The following RTKN2 variants were observed in gnomAD, a reference collection of about 807,000 sequenced individuals.
The protein encoded by RTKN2 is rhotekin 2, also known as rhotekin-2.
A neutral mutation model predicts 71.5 loss-of-function variants in RTKN2; 69 were observed. The observed-to-expected ratio is 0.96, with a 90% CI of 0.79 to 1.18. The LOEUF (loss-of-function observed/expected upper bound fraction) is 1.18. Among genes scored for constraint, RTKN2 ranks in the 50% most tolerant of loss-of-function variants. The pLI is 0.00. For synonymous variants in RTKN2, 236 were observed against 236.5 expected, an observed-to-expected ratio of 1.00 and a Z score of 0.02; for missense variants, 724 against 719.7, an observed-to-expected ratio of 1.01 and a Z score of -0.07.
At position 62,197,832 on chromosome 10, in the gene RTKN2, C is replaced by T. The variant is rs1001902400; in HGVS notation, c.*76G>A. 4 of 1,471,078 alleles carry T rather than the reference C, an allele frequency of 2.7e-6. No homozygotes were observed. Among genetic ancestry groups the T allele is most frequent in the East Asian group, 2.4e-5 (1 of 41,252 alleles). The allele number at this position is 1,471,078 out of a possible 1,614,324, so 91.1% of individuals were successfully genotyped here. ...ATCACTATATTTACCTATATAATTACACATTATTCTATAATGCCTCTGAAT... is the reference window on the plus strand; with the variant it reads ...ATCACTATATTTACCTATATAATTATACATTATTCTATAATGCCTCTGAAT... On this transcript the variant is annotated 3_prime_UTR_variant, in exon 12 of 12. Coordinates refer to ENST00000373789, the MANE Select transcript of RTKN2 (RefSeq NM_145307.4).
At chr10:62,247,697 T>G (rs1246108156) in intron 2 of RTKN2, among the ~76,000 whole-genome samples, 1 of 152,060 alleles carries the variant, frequency 6.6e-6, no homozygotes, top group East Asian at 1.9e-4. Flanking sequence ...AACAGTTTAT[T>G]ATCTATTTTG....
downstream of RTKN2, among the ~76,000 whole-genome samples, chr10:62,191,790 A>G (rs1181971973): frequency 6.6e-6 from 1 of 152,198 alleles, no homozygotes; most frequent in East Asian, 1.9e-4. Context: ...ATACACTTTT[A>G]GGTATTTCCT....
At chr10:62,185,704 C>A (rs769426953) in intron 8 of RTKN2, among the ~76,000 whole-genome samples, 6 of 152,146 alleles carry the variant, frequency 3.9e-5, no homozygotes, top group Non-Finnish European at 5.9e-5. Context: ...TGGTTTGGTT[C>A]CTTTAGGAAG....
downstream of RTKN2, among the ~76,000 whole-genome samples, chr10:62,188,675 C>T (rs1841172416): frequency 6.6e-6 from 1 of 152,052 alleles, no homozygotes; most frequent in South Asian, 2.1e-4. Flanking sequence ...AAAAATCCTT[C>T]CCAAATGTCT....
chr10:62,258,004 T>C (rs2133081336), intron 2 of RTKN2, among the ~76,000 whole-genome samples: 1 of 152,356 alleles, frequency 6.6e-6, no homozygotes, highest in Middle Eastern at 3.4e-3. Flanking sequence ...AGGTATTTCA[T>C]ACCCAAACAC....
At chr10:62,184,501 G>A in intron 8 of RTKN2, 2 of 570,824 alleles carry the variant, frequency 3.5e-6, no homozygotes, top group East Asian at 6.2e-5. Context: ...GCAAGTTTCA[G>A]GAAAAATGAG....
Position 62,241,191 on chromosome 10 carries a change from AATATCT to A in RTKN2, c.317-2_320del, listed in dbSNP as rs1564520354. On this transcript the variant is annotated splice_acceptor_variant and coding_sequence_variant, in exon 4 of 12. Transcript: ENST00000373789. LOFTEE classifies it high-confidence loss of function. ...AGTCTTTCCACATTAGTGGTATTCG[AATATCT>A]ATAAAGAAGGGAAAAAGAAATGACA... The A allele has an allele frequency of 6.4e-7, 1 of 1,560,750 alleles. No homozygotes were observed. The highest frequency in any genetic ancestry group is 8.8e-7 in the Non-Finnish European group (1 of 1,138,810).
intron 2 of RTKN2, among the ~76,000 whole-genome samples, chr10:62,253,602 G>A (rs1250799640): frequency 6.6e-6 from 1 of 151,924 alleles, no homozygotes; most frequent in East Asian, 1.9e-4. Flanking sequence ...ACCTCAACAT[G>A]TTCCATAAAG....
chr10:62,258,770 C>T (rs915106808), intron 2 of RTKN2, among the ~76,000 whole-genome samples: 1 of 151,792 alleles, frequency 6.6e-6, no homozygotes, highest in Non-Finnish European at 1.5e-5. Context: ...GATATTTTCA[C>T]GGGTAAGCAA....
chr10:62,196,861 T>G lies in RTKN2; in HGVS notation c.*1047A>C, dbSNP rs947812374. 1.0e-6 allele frequency: 1 copy of G among 982,324 alleles called. No homozygotes were observed. 60.9% of individuals were successfully genotyped at this position (982,324 alleles called of 1,614,324 possible). The stretch of plus-strand genomic sequence containing the variant: ...TATTTTTCTGCTATTTATTCCTCAC[T>G]TGACTTTATAATCCTGTTTGGGTCA... On this transcript the variant is annotated 3_prime_UTR_variant, in exon 12 of 12. Transcript: ENST00000373789.
Position 62,196,191 on chromosome 10 carries a change from A to G in RTKN2, c.*1717T>C, listed in dbSNP as rs1841327711. 1.6e-5 allele frequency: 16 copies of G among 977,016 alleles called. No individual in the cohort carries two copies. The highest frequency in any genetic ancestry group is 1.6e-5 in the Non-Finnish European group (13 of 822,420). The allele number at this position is 977,016 out of a possible 1,614,324, so 60.5% of individuals were successfully genotyped here. A position where few individuals can be genotyped will look rare whatever the true frequency, so the allele number is the denominator to read the frequency against. On this transcript the variant is annotated 3_prime_UTR_variant, in exon 12 of 12. Coordinates refer to ENST00000373789, the MANE Select transcript of RTKN2 (RefSeq NM_145307.4). ...AAAAAATAACCCAAAAATTCAAACA[A>G]TAATATCCTTTAGATTTTTAATGTC...
chr10:62,200,562 G>A (rs1230978362), intron 10 of RTKN2, among the ~76,000 whole-genome samples: 2 of 151,708 alleles, frequency 1.3e-5, no homozygotes, highest in Admixed American at 6.6e-5. Flanking sequence ...TCAAGATGTT[G>A]AAAGGTTAAA....
At chr10:62,224,529 G>A (rs1459316626) in intron 6 of RTKN2, among the ~76,000 whole-genome samples, 1 of 151,950 alleles carries the variant, frequency 6.6e-6, no homozygotes, top group Admixed American at 6.6e-5. Context: ...TCCAATGCTA[G>A]GTGATGGGCA....
chr10:62,198,868 T>C (rs1841384770), intron 11 of RTKN2, among the ~76,000 whole-genome samples: 1 of 152,136 alleles, frequency 6.6e-6, no homozygotes, highest in Non-Finnish European at 1.5e-5. Context: ...AGATTTCCTT[T>C]TTTACAAAAG....
chr10:62,250,649 AG>A (rs1842562942), intron 2 of RTKN2, among the ~76,000 whole-genome samples: 1 of 152,144 alleles, frequency 6.6e-6, no homozygotes, highest in Admixed American at 6.6e-5. Flanking sequence ...TTTATTTTTG[AG>A]GAAGGGTCTC....
downstream of RTKN2, among the ~76,000 whole-genome samples, chr10:62,190,591 A>C (rs1589324615): frequency 6.6e-6 from 1 of 152,158 alleles, no homozygotes; most frequent in Non-Finnish European, 1.5e-5. Context: ...GACAAACACC[A>C]GTAGCCATCC....
At chr10:62,218,162 A>G (rs1180129042) in intron 8 of RTKN2, 33 bp downstream of exon 8, 1 of 1,313,798 alleles carries the variant, frequency 7.6e-7, no homozygotes, top group Non-Finnish European at 1.1e-6. Flanking sequence ...AAGTAGAGCT[A>G]CAATTGTTGT....
At chr10:62,220,537 A>G (rs1232490683) in intron 7 of RTKN2, among the ~76,000 whole-genome samples, 1 of 152,212 alleles carries the variant, frequency 6.6e-6, no homozygotes, top group Non-Finnish European at 1.5e-5. Flanking sequence ...TCTGTAAGTT[A>G]GTTGAAAAGT....
chr10:62,201,193 C>T (rs1304212971), intron 10 of RTKN2, among the ~76,000 whole-genome samples: 1 of 152,020 alleles, frequency 6.6e-6, no homozygotes, highest in African/African-American at 2.4e-5. Context: ...TCATACCCAA[C>T]TTGATTATTT....
Sources: gnomAD v4.1 joint callset for allele counts (sites outside exome capture counted in the v4.1 genomes callset) on GRCh38, gnomAD v4.1.1 for gene constraint, MANE v1.5 for transcripts, NCBI Gene and HGNC (gene_info 2026-07-23, HGNC 2026-07-21) for gene names.